Variants in EPHA6 observed in about 807,000 individuals in gnomAD.
EPHA6 encodes ephrin type-A receptor 6.
A neutral mutation model predicts 112.0 loss-of-function variants in EPHA6; 50 were observed. The observed-to-expected ratio is 0.45, with a 90% CI of 0.36 to 0.56. The LOEUF (loss-of-function observed/expected upper bound fraction) is 0.56. EPHA6 is among the 20% of genes least tolerant of loss of function. EPHA6 has a pLI of 0.00. For missense variants in EPHA6, 1,280 were observed against 1,417.4 expected, an observed-to-expected ratio of 0.90 and a Z score of 1.56; for synonymous variants, 529 against 490.7, an observed-to-expected ratio of 1.08 and a Z score of -1.03.
chr3:97,208,468 G>T (rs1357769661), intron 3 of EPHA6, among the ~76,000 whole-genome samples: 5 of 152,132 alleles, frequency 3.3e-5, no homozygotes, highest in Non-Finnish European at 5.9e-5. Context: ...GCCGCAGGCT[G>T]GGTGCAGTAG....
chr3:97,612,528 T>C lies in EPHA6; in HGVS notation c.2574+1674T>C, dbSNP rs149630616. ...TTATATATTTTATTCTGTGGAATAA[T>C]GAATCCATTAAATGTTTTAAAGAAA... On this transcript the variant is annotated intron_variant, in intron 13 of 17. Coordinates refer to ENST00000389672, the MANE Select transcript of EPHA6 (RefSeq NM_001080448.3). The C allele has an allele frequency of 7.6e-3, 1,968 of 257,406 alleles. 15 individuals carry two copies. Among genetic ancestry groups the C allele is most frequent in the Middle Eastern group, 0.022 (30 of 1,354 alleles). The allele number at this position is 257,406 out of a possible 1,614,324, so 15.9% of individuals were successfully genotyped here. A position where few individuals can be genotyped will look rare whatever the true frequency, so the allele number is the denominator to read the frequency against.
chr3:96,823,968 A>T (rs1359246584), intron 1 of EPHA6, among the ~76,000 whole-genome samples: 1 of 151,800 alleles, frequency 6.6e-6, no homozygotes, highest in African/African-American at 2.4e-5. Context: ...TGTTATTTTT[A>T]CGATACCATA....
rs140041267 is a variant in EPHA6 at position 97,251,101 on chromosome 3, C to T, written c.1606+6814C>T. ...CAGGCTGATCTTGAACTCCCGACCTCATGTTCCACCCACCTTGGCCTCCCA... is the reference window on the plus strand; with the variant it reads ...CAGGCTGATCTTGAACTCCCGACCTTATGTTCCACCCACCTTGGCCTCCCA... On this transcript the variant is annotated intron_variant, in intron 5 of 17. Transcript: ENST00000389672. 9.5e-4 allele frequency among the ~76,000 whole-genome samples: 144 copies of T among 152,136 alleles called. 3 individuals carry two copies. The East Asian group carries it at 0.027, about 29-fold the overall frequency.
chr3:97,278,886 C>T (rs1369697447), intron 5 of EPHA6, among the ~76,000 whole-genome samples: 2 of 152,146 alleles, frequency 1.3e-5, no homozygotes, highest in African/African-American at 4.8e-5. Context: ...ATCTGAGGGC[C>T]GCTGACACAC....
At position 97,479,318 on chromosome 3, in the gene EPHA6, G is replaced by T. The variant is rs979053536; in HGVS notation, c.2028G>T (p.Lys676Asn). The T allele has an allele frequency of 1.2e-6, 2 of 1,602,892 alleles. No homozygotes were observed. ...TGRCQWYIKA[K>N]MKSEEKRRNH... Reference sequence around the variant, plus strand: ...GATGTCAGTGGTACATAAAAGCCAAGATGAAGTCAGAAGAGAAGAGAAGAA... The same window carrying T: ...GATGTCAGTGGTACATAAAAGCCAATATGAAGTCAGAAGAGAAGAGAAGAA... The change falls in exon 9 of 18, where the codon AAG (lysine) becomes AAT (asparagine). Residue 676 changes from lysine (K) to asparagine (N), a missense_variant. By Grantham distance (94) the Lys-to-Asn change is moderately conservative. Coordinates refer to ENST00000389672, the MANE Select transcript of EPHA6 (RefSeq NM_001080448.3).
At chr3:97,733,320 T>C (rs1471248582) in intron 15 of EPHA6, among the ~76,000 whole-genome samples, 1 of 152,080 alleles carries the variant, frequency 6.6e-6, no homozygotes, top group Non-Finnish European at 1.5e-5. Context: ...CAGTTTCATC[T>C]GGCTCCTTGT....
chr3:96,826,762 A>G (rs2033688274), intron 1 of EPHA6, among the ~76,000 whole-genome samples: 1 of 152,102 alleles, frequency 6.6e-6, no homozygotes, highest in Non-Finnish European at 1.5e-5. Context: ...AGTTTCAAAA[A>G]CAAAATTTGC....
At chr3:97,116,922 TA>T (rs1473658306) in intron 3 of EPHA6, among the ~76,000 whole-genome samples, 1 of 151,724 alleles carries the variant, frequency 6.6e-6, no homozygotes, top group Non-Finnish European at 1.5e-5. Flanking sequence ...CCATTTTTCA[TA>T]ATTATTTATT....
intron 3 of EPHA6, among the ~76,000 whole-genome samples, chr3:97,058,849 G>C (rs903834443): frequency 2.0e-5 from 3 of 152,128 alleles, no homozygotes; most frequent in Admixed American, 6.5e-5. Context: ...CAGTAAGATT[G>C]TTTTTATATT....
At chr3:97,392,667 G>C (rs1188356775) in intron 5 of EPHA6, among the ~76,000 whole-genome samples, 3 of 151,354 alleles carry the variant, frequency 2.0e-5, no homozygotes, top group Non-Finnish European at 4.4e-5. Flanking sequence ...AGCTTTATCT[G>C]CTCATACTAA....
At chr3:97,041,380 A>G (rs2045308676) in intron 3 of EPHA6, among the ~76,000 whole-genome samples, 1 of 152,066 alleles carries the variant, frequency 6.6e-6, no homozygotes, top group Admixed American at 6.6e-5. Flanking sequence ...TTTGGGGTCT[A>G]TTGGACATTA....
chr3:97,189,920 A>G (rs187617698), intron 3 of EPHA6, among the ~76,000 whole-genome samples: 180 of 152,194 alleles, frequency 1.2e-3, no homozygotes, highest in African/African-American at 4.2e-3. Flanking sequence ...TCAGAATCCC[A>G]TGCTACAGAA....
chr3:96,994,266 A>G (rs2107872979), intron 3 of EPHA6: 1 of 363,754 alleles, frequency 2.7e-6, no homozygotes, highest in Non-Finnish European at 5.7e-6. Context: ...TCCTCTTTCA[A>G]ATCTCAGCTG....
At chr3:97,574,458 A>T (rs1190568216) in intron 11 of EPHA6, among the ~76,000 whole-genome samples, 1 of 152,148 alleles carries the variant, frequency 6.6e-6, no homozygotes, top group Non-Finnish European at 1.5e-5. Context: ...AACACATATA[A>T]GAAAAAGCTA....
At chr3:96,895,445 A>G (rs2038215736) in intron 2 of EPHA6, among the ~76,000 whole-genome samples, 1 of 152,152 alleles carries the variant, frequency 6.6e-6, no homozygotes, top group Non-Finnish European at 1.5e-5. Flanking sequence ...AAGTTAATTT[A>G]TTATTGGAGA....
chr3:97,251,008 G>T (rs1267297991), intron 5 of EPHA6, among the ~76,000 whole-genome samples: 1 of 151,782 alleles, frequency 6.6e-6, no homozygotes, highest in Non-Finnish European at 1.5e-5. Context: ...TGGGATTACA[G>T]GTGCCCACCA....
chr3:96,819,346 A>C (rs1195991182), intron 1 of EPHA6, among the ~76,000 whole-genome samples: 2 of 152,156 alleles, frequency 1.3e-5, no homozygotes, highest in Admixed American at 1.3e-4. Context: ...TTGTTTCTTC[A>C]CTAATCATTG....
chr3:97,200,151 T>C (rs1173839279), intron 3 of EPHA6, among the ~76,000 whole-genome samples: 2 of 152,252 alleles, frequency 1.3e-5, no homozygotes, highest in East Asian at 1.9e-4. Flanking sequence ...TTGTGAATGG[T>C]CTTAAACTCA....
intron 5 of EPHA6, among the ~76,000 whole-genome samples, chr3:97,353,900 T>C (rs962153645): frequency 6.6e-6 from 1 of 152,064 alleles, no homozygotes. Flanking sequence ...ATGTTACCCC[T>C]CCCCCAGATC....
Sources: gnomAD v4.1 joint callset for allele counts (sites outside exome capture counted in the v4.1 genomes callset) on GRCh38, gnomAD v4.1.1 for gene constraint, MANE v1.5 for transcripts, NCBI Gene and HGNC (gene_info 2026-07-23, HGNC 2026-07-21) for gene names.